The following RGMA variants were observed in gnomAD, a reference collection of about 807,000 sequenced individuals.
RGMA encodes the protein repulsive guidance molecule A.
A neutral mutation model predicts 23.2 loss-of-function variants in RGMA; 10 were observed. The ratio of observed to expected loss-of-function variants is 0.43; its 90% CI spans 0.27 to 0.73. RGMA has a LOEUF of 0.73. Among genes scored for constraint, RGMA ranks in the 30% least tolerant of loss-of-function variants. The pLI, the probability that RGMA is intolerant of heterozygous loss-of-function variation, is 0.20. For synonymous variants in RGMA, 308 were observed against 279.3 expected, an observed-to-expected ratio of 1.10 and a Z score of -1.03; for missense variants, 547 against 630.5, an observed-to-expected ratio of 0.87 and a Z score of 1.42.
rs974154862 is a variant in RGMA, at chr15:93,041,181, G to GTT, written c.*3815_*3816dup. On this transcript the variant is annotated 3_prime_UTR_variant, in exon 4 of 4. Coordinates refer to ENST00000329082, the MANE Select transcript of RGMA (RefSeq NM_020211.3). Reference sequence around the variant, plus strand: ...CCTTCATCGTGACTCTCATTCATTTGTTTTAAAGGCCATTTCTCTCCTGTC... The same window carrying GTT: ...CCTTCATCGTGACTCTCATTCATTTGTTTTTTAAAGGCCATTTCTCTCCTGTC... 6.7e-6 allele frequency: 1 copy of GTT among 149,336 alleles called. No individual in the cohort carries two copies. Among genetic ancestry groups the GTT allele is most frequent in the African/African-American group, 2.5e-5 (1 of 40,166 alleles). The allele number at this position is 149,336 out of a possible 1,614,324, so 9.3% of individuals were successfully genotyped here.
intron 1 of RGMA, among the ~76,000 whole-genome samples, chr15:93,080,747 C>T (rs1173391673): frequency 6.6e-6 from 1 of 152,102 alleles, no homozygotes; most frequent in Non-Finnish European, 1.5e-5. Context: ...ATGTATGACC[C>T]TCTTTCCTTC....
chr15:93,082,372 TA>T (rs1895572618), intron 1 of RGMA, among the ~76,000 whole-genome samples: 1 of 152,360 alleles, frequency 6.6e-6, no homozygotes, highest in South Asian at 2.1e-4. Flanking sequence ...CTCCCCCATG[TA>T]ACCAGCGTCG....
chr15:93,088,015 C>A (rs953319847), intron 1 of RGMA, among the ~76,000 whole-genome samples: 2 of 152,306 alleles, frequency 1.3e-5, no homozygotes, highest in Admixed American at 6.5e-5. Flanking sequence ...CAGCTCACCA[C>A]TTCCGCTAGA....
chr15:93,047,294 A>G (rs1012275324), intron 3 of RGMA, among the ~76,000 whole-genome samples: 4 of 152,218 alleles, frequency 2.6e-5, no homozygotes, highest in African/African-American at 4.8e-5. Flanking sequence ...AAACTGGGAG[A>G]GAAAAAACCA....
chr15:93,048,879 T>C (rs1052244464), intron 3 of RGMA, among the ~76,000 whole-genome samples: 4 of 95,180 alleles, frequency 4.2e-5, no homozygotes, highest in African/African-American at 8.5e-5. Context: ...CTGCCTGGTG[T>C]GCAGGGCCAC....
intron 2 of RGMA, chr15:93,066,377 C>G: frequency 2.8e-6 from 2 of 721,178 alleles, no homozygotes; most frequent in South Asian, 1.4e-5. Context: ...CCAGCTTGTT[C>G]GCGTGACTCC....
chr15:93,050,111 A>G (rs765911533), intron 3 of RGMA, among the ~76,000 whole-genome samples: 23 of 152,284 alleles, frequency 1.5e-4, no homozygotes, highest in East Asian at 3.9e-4. Flanking sequence ...AAGGCTCCCA[A>G]TGGCCTTCAA....
intron 2 of RGMA, among the ~76,000 whole-genome samples, chr15:93,053,926 G>A (rs1247992606): frequency 6.6e-6 from 1 of 152,082 alleles, no homozygotes; most frequent in East Asian, 1.9e-4. Flanking sequence ...TTATTTAAAT[G>A]TGCATTAAGA....
At chr15:93,088,553 G>C in intron 1 of RGMA, 1 of 1,019,968 alleles carries the variant, frequency 9.8e-7, no homozygotes, top group Non-Finnish European at 1.2e-6. Context: ...GGGCCAATGG[G>C]GGTTCACGGC....
At position 93,066,444 on chromosome 15, in the gene RGMA, C is replaced by T. The variant is rs559535180; in HGVS notation, c.130+6472G>A. The T allele has an allele frequency of 1.9e-3, 1,155 of 607,250 alleles. 10 individuals are homozygous for T. The highest frequency in any genetic ancestry group is 0.018 in the African/African-American group (962 of 54,750). 37.6% of individuals were successfully genotyped at this position (607,250 alleles called of 1,614,324 possible). A position where few individuals can be genotyped will look rare whatever the true frequency, so the allele number is the denominator to read the frequency against. On this transcript the variant is annotated intron_variant, in intron 2 of 3. Transcript: ENST00000329082. Reference sequence around the variant, plus strand: ...AGGCCGCCGTCGTTGCCAGGGCTGCCGCCGGGTTGCCACGGGTGCGGGGGC... The same window carrying T: ...AGGCCGCCGTCGTTGCCAGGGCTGCTGCCGGGTTGCCACGGGTGCGGGGGC...
chr15:93,065,983 G>T, intron 2 of RGMA: 1 of 1,153,274 alleles, frequency 8.7e-7, no homozygotes, highest in Non-Finnish European at 1.3e-6. Context: ...GGGCCGCTGC[G>T]CGGAGTCTTT....
rs1055573781 is a variant in RGMA at position 93,043,070 on chromosome 15, G to A, written c.*1928C>T. On this transcript the variant is annotated 3_prime_UTR_variant, in exon 4 of 4. Coordinates refer to ENST00000329082, the MANE Select transcript of RGMA (RefSeq NM_020211.3). ...TGCCAAGCTCCAAAGACAGCTCATC[G>A]TGAGGAGGAAAAGTGACTTTACAAA... 5.9e-5 allele frequency: 9 copies of A among 152,288 alleles called. No individual in the cohort carries two copies. Among genetic ancestry groups the A allele is most frequent in the African/African-American group, 1.4e-4 (6 of 41,466 alleles). The allele number at this position is 152,288 out of a possible 1,614,324, so 9.4% of individuals were successfully genotyped here.
chr15:93,073,183 G>C, intron 1 of RGMA, 152 bp from the exon 2 acceptor site: 1 of 1,222,746 alleles, frequency 8.2e-7, no homozygotes, highest in Non-Finnish European at 1.0e-6. Flanking sequence ...CGCCCCCCGC[G>C]CGCCCCTCCC....
chr15:93,062,071 GGGGTGAGC>G (rs1278831639), intron 2 of RGMA, among the ~76,000 whole-genome samples: 6 of 151,882 alleles, frequency 4.0e-5, no homozygotes, highest in Admixed American at 3.9e-4. Flanking sequence ...TAGGAGGGGT[GGGGTGAGC>G]CGGAGAGGGA....
intron 1 of RGMA, among the ~76,000 whole-genome samples, chr15:93,083,122 C>T (rs1211294172): frequency 1.3e-5 from 2 of 152,274 alleles, no homozygotes; most frequent in African/African-American, 2.4e-5. Flanking sequence ...ACCCTGCCAA[C>T]AGCATCCATT....
chr15:93,075,701 G>A (rs1019208292), intron 1 of RGMA, among the ~76,000 whole-genome samples: 2 of 152,156 alleles, frequency 1.3e-5, no homozygotes, highest in Non-Finnish European at 2.9e-5. Flanking sequence ...CTCGGAAGAG[G>A]CCCCAGGCCA....
At chr15:93,082,360 A>C (rs887803342) in intron 1 of RGMA, among the ~76,000 whole-genome samples, 1 of 151,916 alleles carries the variant, frequency 6.6e-6, no homozygotes, top group African/African-American at 2.4e-5. Context: ...TACTAGAAAA[A>C]ACTCCCCCAT....
intron 2 of RGMA, among the ~76,000 whole-genome samples, chr15:93,060,488 A>T (rs1224496306): frequency 2.0e-5 from 3 of 152,230 alleles, no homozygotes; most frequent in African/African-American, 7.2e-5. Flanking sequence ...ACTCAGCTTA[A>T]GCGGTGATGC....
At chr15:93,072,891 G>T (rs1895377899) in intron 2 of RGMA, 25 bp downstream of exon 2, 2 of 1,584,384 alleles carry the variant, frequency 1.3e-6, no homozygotes, top group Non-Finnish European at 1.7e-6. Context: ...ACCCGGCCCC[G>T]CGCGCCCGGC....
Sources: allele counts gnomAD v4.1 joint callset (sites outside exome capture counted in the v4.1 genomes callset), GRCh38; gene constraint gnomAD v4.1.1; transcripts MANE v1.5; gene names NCBI Gene and HGNC (gene_info 2026-07-23, HGNC 2026-07-21).